Variants in PDE11A observed in about 807,000 individuals in gnomAD.
PDE11A encodes phosphodiesterase 11A.
In PDE11A, 100 loss-of-function variants were observed where a neutral mutation model predicts 100.5. That is an observed-to-expected ratio of 1.00 (90% CI 0.85 to 1.18). The LOEUF is 1.18. Among genes scored for constraint, PDE11A ranks in the 50% most tolerant of loss-of-function variants. The pLI, the probability that PDE11A is intolerant of heterozygous loss-of-function variation, is 0.00. For synonymous variants in PDE11A, 381 were observed against 420.8 expected (o/e 0.91, Z 1.16); for missense variants, 1,141 against 1,152.6 (o/e 0.99, Z 0.15).
intron 2 of PDE11A, chr2:177,998,752 G>C (rs1425146941): frequency 1.2e-6 from 1 of 832,196 alleles, no homozygotes; most frequent in Non-Finnish European, 2.1e-6. Flanking sequence ...TTGCCGTAAA[G>C]CTCCTCTACC....
At chr2:178,065,128 T>TTA (rs2087027348) in intron 1 of PDE11A, among the ~76,000 whole-genome samples, 1 of 152,224 alleles carries the variant, frequency 6.6e-6, no homozygotes, top group Non-Finnish European at 1.5e-5. Context: ...TAACCCACTC[T>TTA]TTTATGATTA....
At chr2:177,855,617 C>A (rs1369425631) in intron 5 of PDE11A, among the ~76,000 whole-genome samples, 2 of 151,988 alleles carry the variant, frequency 1.3e-5, no homozygotes, top group Non-Finnish European at 2.9e-5. Context: ...AGAGAATTGT[C>A]ACTATTTGAC....
intron 9 of PDE11A, among the ~76,000 whole-genome samples, chr2:177,777,763 C>T (rs2082398243): frequency 6.6e-6 from 1 of 152,136 alleles, no homozygotes. Context: ...CTATAACGTA[C>T]ATATCAGTTA....
At chr2:177,913,012 G>A (rs2084904199) in intron 2 of PDE11A, among the ~76,000 whole-genome samples, 1 of 151,972 alleles carries the variant, frequency 6.6e-6, no homozygotes, top group African/African-American at 2.4e-5. Flanking sequence ...ATTGGTAGTG[G>A]GTTCTAAAAC....
intron 9 of PDE11A, among the ~76,000 whole-genome samples, chr2:177,811,963 G>GA (rs1206096863): frequency 6.6e-6 from 1 of 152,170 alleles, no homozygotes; most frequent in African/African-American, 2.4e-5. Flanking sequence ...TAAAACAGGC[G>GA]AAAAAATTAT....
chr2:177,853,635 C>CATATAT (rs371434526), intron 5 of PDE11A, among the ~76,000 whole-genome samples: 31 of 36,202 alleles, frequency 8.6e-4, no homozygotes, highest in Non-Finnish European at 9.9e-4. Flanking sequence ...ACAAGTCCTG[C>CATATAT]ATATATATAT....
chr2:177,795,225 T>G (rs1200794917), intron 9 of PDE11A, among the ~76,000 whole-genome samples: 1 of 151,474 alleles, frequency 6.6e-6, no homozygotes, highest in Admixed American at 6.6e-5. Context: ...ATGGGAGGAG[T>G]GTTTAGGGTG....
intron 1 of PDE11A, among the ~76,000 whole-genome samples, chr2:178,023,905 G>C (rs1165052878): frequency 1.3e-5 from 2 of 152,070 alleles, no homozygotes; most frequent in Non-Finnish European, 2.9e-5. Flanking sequence ...GGTATTCTTC[G>C]GCCTACAGAC....
chr2:177,706,046 G>A (rs551621218), intron 13 of PDE11A, among the ~76,000 whole-genome samples: 2 of 152,322 alleles, frequency 1.3e-5, no homozygotes, highest in East Asian at 3.9e-4. Context: ...CTGTGGTATT[G>A]CTGCCCTCTC....
chr2:177,656,808 C>A (rs993712853), intron 19 of PDE11A, among the ~76,000 whole-genome samples: 1 of 152,130 alleles, frequency 6.6e-6, no homozygotes, highest in African/African-American at 2.4e-5. Context: ...GTCTTCCAGG[C>A]ACATATGAGA....
chr2:178,033,959 C>T (rs2086578810), intron 1 of PDE11A, among the ~76,000 whole-genome samples: 1 of 152,142 alleles, frequency 6.6e-6, no homozygotes, highest in South Asian at 2.1e-4. Flanking sequence ...AATATAAAGA[C>T]CAATGACACT....
intron 9 of PDE11A, among the ~76,000 whole-genome samples, chr2:177,785,713 A>G (rs1237500132): frequency 6.6e-6 from 1 of 152,168 alleles, no homozygotes; most frequent in Non-Finnish European, 1.5e-5. Flanking sequence ...GGGCTTAAAA[A>G]ACGGCGCACC....
At chr2:177,764,003 C>T (rs1404982720) in intron 10 of PDE11A, among the ~76,000 whole-genome samples, 2 of 152,208 alleles carry the variant, frequency 1.3e-5, no homozygotes, top group African/African-American at 4.8e-5. Flanking sequence ...TAAAGGCAGT[C>T]TTGAGGGCTG....
At chr2:178,062,072 T>G (rs1394014295) in intron 1 of PDE11A, among the ~76,000 whole-genome samples, 1 of 152,200 alleles carries the variant, frequency 6.6e-6, no homozygotes, top group Non-Finnish European at 1.5e-5. Flanking sequence ...AATCAGAGGC[T>G]GTTCCTCTTG....
intron 10 of PDE11A, among the ~76,000 whole-genome samples, chr2:177,756,623 C>T (rs1345677080): frequency 2.0e-5 from 3 of 152,028 alleles, no homozygotes; most frequent in South Asian, 4.2e-4. Flanking sequence ...TCCAGGAAGG[C>T]CAGAGGTGAA....
intron 1 of PDE11A, among the ~76,000 whole-genome samples, chr2:178,106,486 A>G (rs906599791): frequency 1.3e-5 from 2 of 152,252 alleles, no homozygotes; most frequent in African/African-American, 4.8e-5. Context: ...TTACCTAAAT[A>G]GGTTCAGAAT....
chr2:178,020,871 C>T (rs926472469), intron 1 of PDE11A, among the ~76,000 whole-genome samples: 4 of 149,582 alleles, frequency 2.7e-5, no homozygotes, highest in African/African-American at 9.9e-5. Flanking sequence ...AAAATAAAAG[C>T]TAGGAAGAAA....
At chr2:177,948,466 A>G (rs1208205999) in intron 2 of PDE11A, among the ~76,000 whole-genome samples, 1 of 152,236 alleles carries the variant, frequency 6.6e-6, no homozygotes, top group Non-Finnish European at 1.5e-5. Flanking sequence ...CTCTAGATAG[A>G]AAAATGATAG....
At chr2:177,650,950 A>G (rs1037811884) in intron 19 of PDE11A, among the ~76,000 whole-genome samples, 2 of 152,228 alleles carry the variant, frequency 1.3e-5, no homozygotes, top group Non-Finnish European at 2.9e-5. Context: ...ACATTATCTC[A>G]GGCAGCACTA....
Sources: allele counts gnomAD v4.1 joint callset (sites outside exome capture counted in the v4.1 genomes callset), GRCh38; gene constraint gnomAD v4.1.1; transcripts MANE v1.5; gene names NCBI Gene and HGNC (gene_info 2026-07-23, HGNC 2026-07-21).